Variants in GIPC2 observed in about 807,000 individuals in gnomAD.
GIPC2 encodes the protein GIPC PDZ domain containing family member 2.
Under a neutral mutation model 30.6 loss-of-function variants are expected in GIPC2, and 30 were observed. The ratio of observed to expected loss-of-function variants is 0.98; its 90% confidence interval spans 0.73 to 1.33. The LOEUF is 1.33. Among genes scored for constraint, GIPC2 ranks in the 40% most tolerant of loss-of-function variants. The pLI is 0.00. For missense variants in GIPC2, 414 were observed against 390.3 expected (o/e 1.06, Z -0.51); for synonymous variants, 167 against 150.0 (o/e 1.11, Z -0.83).
chr1:78,064,366 T>C (rs1661461813), intron 1 of GIPC2, among the ~76,000 whole-genome samples: 2 of 152,300 alleles, frequency 1.3e-5, no homozygotes, highest in African/African-American at 2.4e-5. Flanking sequence ...TCAAACAGAA[T>C]CCTTGACCCA....
At chr1:78,054,992 G>A (rs1340533533) in intron 1 of GIPC2, among the ~76,000 whole-genome samples, 1 of 152,120 alleles carries the variant, frequency 6.6e-6, no homozygotes, top group African/African-American at 2.4e-5. Context: ...GCTCTTGCAG[G>A]TTATCTTGGG....
chr1:78,092,077 C>T (rs532932276), intron 2 of GIPC2: 22 of 1,463,086 alleles, frequency 1.5e-5, no homozygotes, highest in South Asian at 2.3e-5. Flanking sequence ...CTTCACCCCC[C>T]GGCTTTGTGT....
At chr1:78,073,278 A>AT (rs1661657715) in intron 1 of GIPC2, among the ~76,000 whole-genome samples, 1 of 151,564 alleles carries the variant, frequency 6.6e-6, no homozygotes, top group African/African-American at 2.4e-5. Context: ...TAATTTTTAA[A>AT]TTTTTAGTAG....
intron 5 of GIPC2, among the ~76,000 whole-genome samples, chr1:78,132,656 T>C (rs1046475838): frequency 3.1e-5 from 4 of 128,292 alleles, no homozygotes; most frequent in African/African-American, 5.8e-5. Flanking sequence ...TTCCCTCTTA[T>C]AGCCAAGGAT....
At chr1:78,103,989 CTGGGTG>C (rs1235959472) in intron 3 of GIPC2, among the ~76,000 whole-genome samples, 1 of 152,142 alleles carries the variant, frequency 6.6e-6, no homozygotes, top group Non-Finnish European at 1.5e-5. Context: ...CTTGTACACA[CTGGGTG>C]TGGGTGTGGG....
In GIPC2 at chr1:78,120,239, A is replaced by G. The variant is rs370322798; in HGVS notation, c.714+740A>G. On this transcript the variant is annotated intron_variant, in intron 4 of 5. Coordinates refer to ENST00000370759, the MANE Select transcript of GIPC2 (RefSeq NM_017655.6). ...AACTCCGTATTTCTTCTCTGTTCTC[A>G]TTTCCCATCCCTTTGCCGTGGCTTC... is the stretch of plus-strand genomic sequence containing the variant. Among the ~76,000 whole-genome samples, 273 of 152,114 alleles carry G rather than the reference A, an allele frequency of 1.8e-3. 2 individuals carry two copies. Among genetic ancestry groups the G allele is most frequent in the African/African-American group, 6.4e-3 (266 of 41,504 alleles).
chr1:78,057,884 CT>C (rs1416262820), intron 1 of GIPC2, among the ~76,000 whole-genome samples: 1 of 152,162 alleles, frequency 6.6e-6, no homozygotes, highest in Non-Finnish European at 1.5e-5. Flanking sequence ...GTCAATGAGA[CT>C]GAATGCAATA....
chr1:78,059,349 A>T (rs1389092494), intron 1 of GIPC2, among the ~76,000 whole-genome samples: 1 of 152,216 alleles, frequency 6.6e-6, no homozygotes, highest in Non-Finnish European at 1.5e-5. Flanking sequence ...ATCTTTATGT[A>T]CAAAGTATTG....
At chr1:78,101,742 T>A (rs1662254163) in intron 3 of GIPC2, among the ~76,000 whole-genome samples, 1 of 152,186 alleles carries the variant, frequency 6.6e-6, no homozygotes, top group African/African-American at 2.4e-5. Context: ...GGAATGTCTG[T>A]AGTGGTATTT....
chr1:78,061,287 GAA>G (rs981760588), intron 1 of GIPC2, among the ~76,000 whole-genome samples: 2 of 152,132 alleles, frequency 1.3e-5, no homozygotes, highest in African/African-American at 4.8e-5. Context: ...CTTAGACAAA[GAA>G]AAGAGGAAGC....
intron 3 of GIPC2, among the ~76,000 whole-genome samples, chr1:78,113,620 C>T (rs1430436255): frequency 6.6e-6 from 1 of 152,120 alleles, no homozygotes; most frequent in Non-Finnish European, 1.5e-5. Flanking sequence ...AATTCCTGGG[C>T]TCAAGTGATC....
At chr1:78,054,089 T>G (rs907227902) in intron 1 of GIPC2, among the ~76,000 whole-genome samples, 5 of 152,248 alleles carry the variant, frequency 3.3e-5, no homozygotes, top group Non-Finnish European at 7.3e-5. Context: ...TTTAACTGTT[T>G]CATTCCATTG....
chr1:78,086,856 G>T (rs572529899), intron 2 of GIPC2, among the ~76,000 whole-genome samples: 2 of 152,182 alleles, frequency 1.3e-5, no homozygotes, highest in East Asian at 3.9e-4. Context: ...GTCTCTTGAA[G>T]ACAGCATACC....
intron 1 of GIPC2, among the ~76,000 whole-genome samples, chr1:78,071,643 G>C (rs1370908485): frequency 6.1e-5 from 9 of 148,480 alleles, no homozygotes. Context: ...CCACTGAGTT[G>C]CCCAGGCTGT....
chr1:78,094,626 G>A (rs1662102897), intron 2 of GIPC2, among the ~76,000 whole-genome samples: 1 of 151,996 alleles, frequency 6.6e-6, no homozygotes, highest in Non-Finnish European at 1.5e-5. Context: ...CAGAGGAGGT[G>A]GTGTATGAGT....
intron 2 of GIPC2, among the ~76,000 whole-genome samples, chr1:78,088,132 G>A (rs1170752714): frequency 6.6e-6 from 1 of 152,146 alleles, no homozygotes; most frequent in Non-Finnish European, 1.5e-5. Context: ...AGAGAAAAGG[G>A]AACCCTCATA....
chr1:78,060,152 A>G (rs1281281329), intron 1 of GIPC2, among the ~76,000 whole-genome samples: 2 of 151,714 alleles, frequency 1.3e-5, no homozygotes, highest in Non-Finnish European at 2.9e-5. Context: ...AATTCGTAAG[A>G]TCTATTCCTA....
chr1:78,133,752 G>T (rs1360208167), intron 5 of GIPC2, among the ~76,000 whole-genome samples: 1 of 480 alleles, frequency 2.1e-3, no homozygotes, highest in East Asian at 0.045. Context: ...AAAAAAAATT[G>T]TGTGTGTGTG....
At chr1:78,118,761 A>G (rs185882031) in intron 3 of GIPC2, among the ~76,000 whole-genome samples, 1 of 152,102 alleles carries the variant, frequency 6.6e-6, no homozygotes, top group Non-Finnish European at 1.5e-5. Flanking sequence ...AAGCATATGA[A>G]CTTTGAAATC....
Sources: allele counts gnomAD v4.1 joint callset (sites outside exome capture counted in the v4.1 genomes callset), GRCh38; gene constraint gnomAD v4.1.1; transcripts MANE v1.5; gene names NCBI Gene and HGNC (gene_info 2026-07-23, HGNC 2026-07-21).